C12orf43: variants seen among roughly 807,000 people sequenced by gnomAD.
C12orf43 encodes the protein chromosome 12 open reading frame 43.
Under a neutral mutation model 20.6 loss-of-function variants are expected in C12orf43, and 15 were observed. The ratio of observed to expected loss-of-function variants is 0.73; its 90% CI spans 0.49 to 1.12. C12orf43 has a LOEUF of 1.12. Ranked by LOEUF, C12orf43 falls within the 50% of genes most tolerant of loss-of-function variation. The pLI, the probability that C12orf43 is intolerant of heterozygous loss-of-function variation, is 0.00. For synonymous variants in C12orf43, 144 were observed against 130.8 expected (o/e 1.10, Z -0.69); for missense variants, 334 against 344.4 (o/e 0.97, Z 0.24).
intron 1 of C12orf43, chr12:121,012,552 A>C: frequency 1.4e-6 from 1 of 696,938 alleles, no homozygotes; most frequent in South Asian, 1.5e-5. Context: ...AGATAGATGC[A>C]CTTTTAAGAT....
Position 121,010,859 on chromosome 12 carries a change from C to T in C12orf43, c.256G>A (p.Val86Ile), listed in dbSNP as rs752867911. Reference protein sequence around the residue: ...LQTTPEFRAHVAKKLGALLDS... With the variant: ...LQTTPEFRAHIAKKLGALLDS... ...AGCAGGGCTCCCAGCTTCTTGGCTA[C>T]GTGGGCTCGGAATTCAGGGGTGGTC... is the stretch of plus-strand genomic sequence containing the variant. Residue 86 changes from valine to isoleucine, a missense_variant, in exon 3 of 6, where the codon GTA (valine) becomes ATA (isoleucine). Transcript: ENST00000288757. The T allele has an allele frequency of 6.2e-6, 10 of 1,614,000 alleles. No individual in the cohort carries two copies. Among genetic ancestry groups the T allele is most frequent in the Admixed American group, 5.0e-5 (3 of 59,996 alleles).
chr12:121,003,284 T>C lies in C12orf43; in HGVS notation c.*869A>G, dbSNP rs1592904319. ...TCAATTGATCCACCTCCTTGGCCTC[T>C]CAAAATGCTTGGATTACAGGCATGA... On this transcript the variant is annotated 3_prime_UTR_variant, in exon 6 of 6. Transcript: ENST00000288757. The C allele has an allele frequency of 6.6e-6, 1 of 152,074 alleles. No individual in the cohort carries two copies. Among genetic ancestry groups the C allele is most frequent in the African/African-American group, 2.4e-5 (1 of 41,384 alleles). 9.4% of individuals were successfully genotyped at this position (152,074 alleles called of 1,614,324 possible).
At position 121,004,106 on chromosome 12, in the gene C12orf43, G is replaced by C; in HGVS notation, c.*47C>G. 1 of 1,590,206 alleles carries C rather than the reference G, an allele frequency of 6.3e-7. No homozygotes were observed. The highest frequency in any genetic ancestry group is 1.1e-5 in the South Asian group (1 of 90,560). ...AATGCCTTGTCCCCAGGGTGGGGGG[G>C]ACACCTTGTCCTTGGAGCTGGCTGA... is the stretch of plus-strand genomic sequence containing the variant. On this transcript the variant is annotated 3_prime_UTR_variant, in exon 6 of 6. Coordinates refer to ENST00000288757, the MANE Select transcript of C12orf43 (RefSeq NM_022895.3). This position sits in a 1 kb window ranked among gnomAD's most constrained non-coding sequence, Gnocchi z 5.6.
In C12orf43 at chr12:121,016,362, T is replaced by G. The variant is rs189014309; in HGVS notation, c.113A>C (p.Gln38Pro). 5 of 1,613,828 alleles carry G rather than the reference T, an allele frequency of 3.1e-6. No individual in the cohort carries two copies. Among genetic ancestry groups the G allele is most frequent in the Non-Finnish European group, 4.2e-6 (5 of 1,180,036 alleles). ...EAAMPAWGLE[Q>P]RPHVAGKPRA... ...TGGCTTCCCTGCCACGTGCGGGCGT[T>G]GCTCCAAGCCCCAAGCCGGCATTGC... The change falls in exon 1 of 6, where the codon CAA becomes CCA. Residue 38 changes from glutamine (Q) to proline (P), a missense_variant. Transcript: ENST00000288757.
intron 1 of C12orf43, among the ~76,000 whole-genome samples, chr12:121,015,822 C>G (rs891031168): frequency 1.3e-5 from 2 of 152,168 alleles, no homozygotes; most frequent in African/African-American, 4.8e-5. Flanking sequence ...GAATAGAAAG[C>G]AAAGATGCAA....
Position 121,011,022 on chromosome 12 carries a change from A to G in C12orf43, c.188+82T>C, listed in dbSNP as rs1370582627. 3 of 1,592,912 alleles carry G rather than the reference A, an allele frequency of 1.9e-6. No individual in the cohort carries two copies. In the African/African-American group the frequency reaches 4.0e-5, roughly 21 times the overall value. ...TGTGTCTTGTTCACCTGGAAATGCC[A>G]GGCGTGAAGCCTAGCATCTGGCACA... On this transcript the variant is annotated intron_variant, in intron 2 of 5. Coordinates refer to ENST00000288757, the MANE Select transcript of C12orf43 (RefSeq NM_022895.3).
At position 121,013,782 on chromosome 12, in the gene C12orf43, C is replaced by T. The variant is rs1190277962; in HGVS notation, c.145+2548G>A. Among the ~76,000 whole-genome samples, 4 of 152,182 alleles carry T rather than the reference C, an allele frequency of 2.6e-5. No individual in the cohort carries two copies. The South Asian group carries it at 6.2e-4, about 24-fold the overall frequency. ...GACACTTGTCCATGGCAGAGTGGCA[C>T]AGCAGCAATGAAGAGCATGGACTTG... On this transcript the variant is annotated intron_variant, in intron 1 of 5. Transcript: ENST00000288757.
chr12:121,006,509 C>T (rs1032459293), intron 3 of C12orf43, 115 bp from the exon 4 acceptor site: 105 of 986,768 alleles, frequency 1.1e-4, no homozygotes, highest in South Asian at 1.7e-4. Flanking sequence ...AAAGCGAAAG[C>T]GTGCTGGCCT....
At chr12:121,013,581 G>A (rs74848024) in intron 1 of C12orf43, among the ~76,000 whole-genome samples, 2 of 152,132 alleles carry the variant, frequency 1.3e-5, no homozygotes, top group East Asian at 1.9e-4. Context: ...ATAGTGTCTT[G>A]GTTTGAATTA....
intron 4 of C12orf43, 47 bp downstream of exon 4, chr12:121,006,274 A>T (rs767793909): frequency 6.5e-7 from 1 of 1,529,530 alleles, no homozygotes; most frequent in Non-Finnish European, 9.1e-7. Flanking sequence ...CCAGACACAC[A>T]TTAGGTGCTT....
intron 1 of C12orf43, chr12:121,012,337 G>C: frequency 1.4e-6 from 1 of 699,994 alleles, no homozygotes; most frequent in East Asian, 2.7e-5. Context: ...AGAGGGGCCA[G>C]ATCATGAAGG....
At chr12:121,013,577 T>C (rs910277849) in intron 1 of C12orf43, among the ~76,000 whole-genome samples, 2 of 152,336 alleles carry the variant, frequency 1.3e-5, no homozygotes. Flanking sequence ...TGCCATAGTG[T>C]CTTGGTTTGA....
In C12orf43 at chr12:121,002,141, G is replaced by A. The variant is rs182096296; in HGVS notation, c.*2012C>T. On this transcript the variant is annotated 3_prime_UTR_variant, in exon 6 of 6. Coordinates refer to ENST00000288757, the MANE Select transcript of C12orf43 (RefSeq NM_022895.3). The stretch of plus-strand genomic sequence containing the variant: ...AAGGCCCGAGCAGCTGAGCAGGGCC[G>A]GGGAACTGGCCAAGCTGAGGTGCCC... The A allele has an allele frequency of 6.0e-4, 312 of 516,910 alleles. No individual in the cohort carries two copies. The highest frequency in any genetic ancestry group is 5.2e-3 in the African/African-American group (278 of 53,364). The allele number at this position is 516,910 out of a possible 1,614,324, so 32.0% of individuals were successfully genotyped here. A position where few individuals can be genotyped will look rare whatever the true frequency, so the allele number is the denominator to read the frequency against.
At chr12:121,009,322 G>A (rs1209450672) in intron 3 of C12orf43, among the ~76,000 whole-genome samples, 1 of 152,090 alleles carries the variant, frequency 6.6e-6, no homozygotes, top group African/African-American at 2.4e-5. Flanking sequence ...AAGCGTGGTG[G>A]GTGCGCACCT....
At position 121,000,584 on chromosome 12, in the gene C12orf43, A is replaced by C; in HGVS notation, c.*3569T>G. On this transcript the variant is annotated 3_prime_UTR_variant, in exon 6 of 6. Transcript: ENST00000288757. Reference sequence around the variant, plus strand: ...AAATCTGTTGCTGGCAGCTCTGGGGAGTGAATTCTGCAGCCTTGAGGCAGA... The same window carrying C: ...AAATCTGTTGCTGGCAGCTCTGGGGCGTGAATTCTGCAGCCTTGAGGCAGA... The C allele has an allele frequency of 9.0e-6, 2 of 222,314 alleles. No individual in the cohort carries two copies. The highest frequency in any genetic ancestry group is 6.6e-5 in the South Asian group (1 of 15,110). The allele number at this position is 222,314 out of a possible 1,614,324, so 13.8% of individuals were successfully genotyped here.
Position 121,002,356 on chromosome 12 carries a change from CCTG to C in C12orf43, c.*1794_*1796del, listed in dbSNP as rs1877557126. The C allele has an allele frequency of 2.1e-6, 1 of 487,498 alleles. No individual in the cohort carries two copies. Among genetic ancestry groups the C allele is most frequent in the African/African-American group, 1.9e-5 (1 of 52,030 alleles). The allele number at this position is 487,498 out of a possible 1,614,324, so 30.2% of individuals were successfully genotyped here. On this transcript the variant is annotated 3_prime_UTR_variant, in exon 6 of 6. Coordinates refer to ENST00000288757, the MANE Select transcript of C12orf43 (RefSeq NM_022895.3). ...ACAAGCATGGTCCCACATCCCTGGG[CCTG>C]CTGCTGAGAACCTGGCCTTCAGTGT...
intron 4 of C12orf43, chr12:121,006,034 T>C (rs1005986014): frequency 2.2e-5 from 7 of 315,804 alleles, no homozygotes; most frequent in African/African-American, 8.6e-5. Context: ...CTGGGCAACA[T>C]AGCGAGATCC....
In C12orf43 at chr12:121,001,072, C is replaced by T. The variant is rs761305679; in HGVS notation, c.*3081G>A. ...CCTTGTTTGCCTCTGCAGTGTCCTC[C>T]AGCAGCCTGGTGCTGTACCAGAGCT... On this transcript the variant is annotated 3_prime_UTR_variant, in exon 6 of 6. Coordinates refer to ENST00000288757, the MANE Select transcript of C12orf43 (RefSeq NM_022895.3). The T allele has an allele frequency of 5.0e-6, 8 of 1,613,342 alleles. No individual in the cohort carries two copies. Among genetic ancestry groups the T allele is most frequent in the Non-Finnish European group, 6.8e-6 (8 of 1,179,864 alleles).
chr12:121,011,144 C>T lies in C12orf43; in HGVS notation c.148G>A (p.Ala50Thr), dbSNP rs777888699. Residue 50 changes from alanine to threonine, a missense_variant and splice_region_variant, in exon 2 of 6, where the codon GCT becomes ACT. By Grantham distance (58) the Ala-to-Thr change is moderately conservative (BLOSUM62 0). Transcript: ENST00000288757. ...GAGGTTGACAACTGGCTATTTGCAG[C>T]ACCTGTGGAAAAATGAAAATTAGGG... is the stretch of plus-strand genomic sequence containing the variant. The part of the protein sequence containing the change: ...PHVAGKPRAG[A>T]ANSQLSTSQP... 1.9e-6 allele frequency: 3 copies of T among 1,613,590 alleles called. No individual in the cohort carries two copies. Among genetic ancestry groups the T allele is most frequent in the East Asian group, 4.5e-5 (2 of 44,902 alleles).
Sources: gnomAD v4.1 joint callset for allele counts (sites outside exome capture counted in the v4.1 genomes callset) on GRCh38, gnomAD v4.1.1 for gene constraint, Gnocchi (gnomAD v3.1) non-coding constraint, MANE v1.5 for transcripts, NCBI Gene and HGNC (gene_info 2026-07-23, HGNC 2026-07-21) for gene names.